The following ANP32A variants were observed in gnomAD, a reference collection of about 807,000 sequenced individuals.
ANP32A encodes acidic leucine-rich nuclear phosphoprotein 32 family member A.
ANP32A carries 1 observed loss-of-function variant against 33.9 expected under a neutral mutation model. The observed-to-expected ratio is 0.03, with a 90% CI of 0.01 to 0.14. ANP32A has a LOEUF of 0.14. Ranked by LOEUF, ANP32A falls within the 10% of genes least tolerant of loss-of-function variation. ANP32A has a pLI of 1.00. For missense variants in ANP32A, 155 were observed against 306.0 expected (o/e 0.51, Z 3.68); for synonymous variants, 115 against 120.5 (o/e 0.95, Z 0.30).
chr15:68,784,770 C>T (rs1454534345), intron 3 of ANP32A, among the ~76,000 whole-genome samples, 175 bp from the exon 4 acceptor site: 3 of 152,154 alleles, frequency 2.0e-5, no homozygotes, highest in Non-Finnish European at 4.4e-5. Context: ...AGACATATCA[C>T]CTGCAGTTTG....
At chr15:68,820,098 C>G (rs1376021530) in intron 1 of ANP32A, among the ~76,000 whole-genome samples, 1 of 152,148 alleles carries the variant, frequency 6.6e-6, no homozygotes, top group African/African-American at 2.4e-5. Context: ...GCTGCAGCCC[C>G]CTCCCCACGC....
intron 1 of ANP32A, among the ~76,000 whole-genome samples, chr15:68,800,243 G>A (rs1894112907): frequency 6.6e-6 from 1 of 152,120 alleles, no homozygotes; most frequent in South Asian, 2.1e-4. Context: ...GCTTTAGGAT[G>A]CAGGCCCGAT....
At chr15:68,786,251 GCTTT>G (rs1364341299) in intron 3 of ANP32A, among the ~76,000 whole-genome samples, 3 of 135,644 alleles carry the variant, frequency 2.2e-5, no homozygotes, top group African/African-American at 8.9e-5. Context: ...TGCTGCTGCT[GCTTT>G]TTTTTTTTTT....
intron 1 of ANP32A, among the ~76,000 whole-genome samples, chr15:68,812,214 G>A (rs531800663): frequency 1.2e-4 from 18 of 152,226 alleles, no homozygotes; most frequent in Admixed American, 5.9e-4. Flanking sequence ...GTGCCCAAGT[G>A]CCACAGTTGG....
At chr15:68,788,120 A>G (rs948265979) in intron 1 of ANP32A, among the ~76,000 whole-genome samples, 16 of 152,132 alleles carry the variant, frequency 1.1e-4, no homozygotes, top group African/African-American at 2.7e-4. Context: ...TGCCTTTTCA[A>G]CATCTGGGTG....
In ANP32A at chr15:68,780,004, TGGA is replaced by T; in HGVS notation, c.*74_*76del. On this transcript the variant is annotated 3_prime_UTR_variant, in exon 7 of 7. Coordinates refer to ENST00000465139, the MANE Select transcript of ANP32A (RefSeq NM_006305.4). This position sits in a 1 kb window ranked among gnomAD's most constrained non-coding sequence, Gnocchi z 4.3. ...AAAAATAAGTTTCAGGGGGCAGGAT[TGGA>T]GGGGGGGGGGAGAGGGGATATGGGT... The T allele has an allele frequency of 3.0e-6, 4 of 1,348,916 alleles. No individual in the cohort carries two copies. The highest frequency in any genetic ancestry group is 2.5e-5 in the South Asian group (2 of 79,696). The allele number at this position is 1,348,916 out of a possible 1,614,324, so 83.6% of individuals were successfully genotyped here.
At chr15:68,797,954 T>C (rs1477495082) in intron 1 of ANP32A, among the ~76,000 whole-genome samples, 2 of 152,180 alleles carry the variant, frequency 1.3e-5, no homozygotes, top group African/African-American at 4.8e-5. Context: ...GGGTGGGGAA[T>C]GGCTCTGGAG....
chr15:68,812,206 G>A (rs1431608960), intron 1 of ANP32A, among the ~76,000 whole-genome samples: 1 of 152,216 alleles, frequency 6.6e-6, no homozygotes, highest in African/African-American at 2.4e-5. Flanking sequence ...AGAGGGGCGT[G>A]CCCAAGTGCC....
At chr15:68,801,809 A>G (rs1412342974) in intron 1 of ANP32A, 1 of 137,552 alleles carries the variant, frequency 7.3e-6, no homozygotes, top group African/African-American at 2.9e-5. Context: ...TGGAGGAAGA[A>G]CCAACTGAGT....
intron 1 of ANP32A, among the ~76,000 whole-genome samples, chr15:68,807,032 C>G (rs1894239537): frequency 6.6e-6 from 1 of 152,228 alleles, no homozygotes; most frequent in Non-Finnish European, 1.5e-5. Context: ...GAGCACTGAC[C>G]AGACAGAGAG....
intron 1 of ANP32A, among the ~76,000 whole-genome samples, chr15:68,792,899 C>G (rs1894016183): frequency 6.6e-6 from 1 of 152,186 alleles, no homozygotes; most frequent in Non-Finnish European, 1.5e-5. Flanking sequence ...GAAAACATTC[C>G]TGGCTTCTCA....
Position 68,780,790 on chromosome 15 carries a change from C to A in ANP32A, c.625-317G>T. Reference sequence around the variant, plus strand: ...ACTCTGATCTGAAGTCCCTGTAAGGCAGGCAGCTCTCCAGTCTGCACATTC... The same window carrying A: ...ACTCTGATCTGAAGTCCCTGTAAGGAAGGCAGCTCTCCAGTCTGCACATTC... On this transcript the variant is annotated intron_variant, in intron 5 of 6. Coordinates refer to ENST00000465139, the MANE Select transcript of ANP32A (RefSeq NM_006305.4). The surrounding 1 kb of genome is among the most constrained non-coding windows in gnomAD (Gnocchi z 4.3). The A allele has an allele frequency of 3.6e-6, 1 of 274,744 alleles. No individual in the cohort carries two copies. Among genetic ancestry groups the A allele is most frequent in the East Asian group, 8.2e-5 (1 of 12,140 alleles). 17.0% of individuals were successfully genotyped at this position (274,744 alleles called of 1,614,324 possible).
intron 3 of ANP32A, among the ~76,000 whole-genome samples, chr15:68,785,503 T>C (rs1893920461): frequency 6.6e-6 from 1 of 152,176 alleles, no homozygotes; most frequent in South Asian, 2.1e-4. Flanking sequence ...GTGAAACCAT[T>C]GCTCCTTGGA....
intron 1 of ANP32A, among the ~76,000 whole-genome samples, chr15:68,801,657 T>C (rs1360184656): frequency 6.6e-6 from 1 of 152,214 alleles, no homozygotes; most frequent in Non-Finnish European, 1.5e-5. Context: ...GCCTTGCACT[T>C]AGCTTTCAAT....
chr15:68,799,350 A>C (rs1289485212), intron 1 of ANP32A, among the ~76,000 whole-genome samples: 1 of 152,204 alleles, frequency 6.6e-6, no homozygotes, highest in African/African-American at 2.4e-5. Flanking sequence ...GTATTGCTGA[A>C]CTTCCAGAGT....
chr15:68,820,216 A>G lies in ANP32A; in HGVS notation c.54+482T>C, dbSNP rs887544528. ...AGCGAGCGAGAGAAAGGGAGGGGGGAGGCGCGGGAGGGGGGCGGAAGGGGG... is the reference window on the plus strand; with the variant it reads ...AGCGAGCGAGAGAAAGGGAGGGGGGGGGCGCGGGAGGGGGGCGGAAGGGGG... On this transcript the variant is annotated intron_variant, in intron 1 of 6. Coordinates refer to ENST00000465139, the MANE Select transcript of ANP32A (RefSeq NM_006305.4). Among the ~76,000 whole-genome samples, 16 of 151,946 alleles carry G rather than the reference A, an allele frequency of 1.1e-4. No homozygotes were observed. In the South Asian group the frequency reaches 3.3e-3, roughly 32 times the overall value.
intron 5 of ANP32A, 169 bp downstream of exon 5, chr15:68,782,787 T>A: frequency 2.4e-6 from 3 of 1,254,070 alleles, no homozygotes; most frequent in Non-Finnish European, 3.2e-6. Flanking sequence ...AAGTCTTGTC[T>A]CCCCAGAAAC....
chr15:68,800,962 A>C (rs1894126586), intron 1 of ANP32A, among the ~76,000 whole-genome samples: 1 of 143,530 alleles, frequency 7.0e-6, no homozygotes, highest in South Asian at 2.3e-4. Context: ...GGGAACAGCT[A>C]GGAAGCCAGG....
Position 68,811,840 on chromosome 15 carries a change from G to A in ANP32A, c.54+8858C>T, listed in dbSNP as rs184640765. ...CAACCTCCGTCTCCCAGGTTCAAGC[G>A]ATTCTCCTGCCTCAGCCTCCAGAGT... is the stretch of plus-strand genomic sequence containing the variant. On this transcript the variant is annotated intron_variant, in intron 1 of 6. Transcript: ENST00000465139. 3.0e-3 allele frequency among the ~76,000 whole-genome samples: 461 copies of A among 152,110 alleles called. 1 individual carries two copies. Among genetic ancestry groups the A allele is most frequent in the Non-Finnish European group, 4.9e-3 (331 of 68,000 alleles).
Sources: allele counts gnomAD v4.1 joint callset (sites outside exome capture counted in the v4.1 genomes callset), GRCh38; gene constraint gnomAD v4.1.1; non-coding constraint Gnocchi (gnomAD v3.1); transcripts MANE v1.5; gene names NCBI Gene and HGNC (gene_info 2026-07-23, HGNC 2026-07-21).